Variants in SNX13 observed in about 807,000 individuals in gnomAD.
The protein encoded by SNX13 is sorting nexin 13, also known as sorting nexin-13.
A neutral mutation model predicts 133.6 loss-of-function variants in SNX13; 45 were observed. That is an observed-to-expected ratio of 0.34 (90% confidence interval 0.27 to 0.43). SNX13 has a LOEUF of 0.43. Ranked by LOEUF, SNX13 falls within the 20% of genes least tolerant of loss-of-function variation. The pLI is 1.00. For missense variants in SNX13, 1,032 were observed against 1,145.1 expected (o/e 0.90, Z 1.43); for synonymous variants, 414 against 373.9 (o/e 1.11, Z -1.24).
chr7:17,882,561 A>G (rs1049427126), intron 5 of SNX13: 2 of 152,886 alleles, frequency 1.3e-5, no homozygotes, highest in African/African-American at 4.8e-5. Flanking sequence ...ATAAAACAAT[A>G]GATATGAAGA....
intron 18 of SNX13, among the ~76,000 whole-genome samples, chr7:17,817,870 CA>C (rs1786839884): frequency 6.6e-6 from 1 of 152,058 alleles, no homozygotes; most frequent in Non-Finnish European, 1.5e-5. Flanking sequence ...CTGGTATTAC[CA>C]AGTCTTGTGT....
intron 1 of SNX13, among the ~76,000 whole-genome samples, chr7:17,939,190 T>C (rs544303057): frequency 6.6e-6 from 1 of 152,248 alleles, no homozygotes; most frequent in East Asian, 1.9e-4. Flanking sequence ...TTTCACAAAA[T>C]AAAAGCCACT....
intron 16 of SNX13, among the ~76,000 whole-genome samples, chr7:17,829,251 A>C (rs766351776): frequency 6.6e-6 from 1 of 151,214 alleles, no homozygotes; most frequent in Non-Finnish European, 1.5e-5. Context: ...AACAAACAAC[A>C]CCTTACCTGT....
chr7:17,832,159 G>T (rs1369514652), intron 15 of SNX13: 1 of 984,100 alleles, frequency 1.0e-6, no homozygotes, highest in African/African-American at 1.8e-5. Flanking sequence ...ATTTACTTCA[G>T]ATCAAAACCA....
At chr7:17,895,501 G>T (rs892979352) in intron 2 of SNX13, among the ~76,000 whole-genome samples, 7 of 152,066 alleles carry the variant, frequency 4.6e-5, no homozygotes, top group African/African-American at 1.7e-4. Flanking sequence ...AAAAACTTAA[G>T]TTTTATTAGA....
At chr7:17,935,410 T>C (rs572492150) in intron 1 of SNX13, among the ~76,000 whole-genome samples, 80 of 152,296 alleles carry the variant, frequency 5.3e-4, no homozygotes, top group African/African-American at 1.4e-3. Context: ...AAGTTTCAGA[T>C]AGATAGAAGG....
chr7:17,933,800 GAA>G (rs67821826), intron 1 of SNX13, among the ~76,000 whole-genome samples: 7 of 142,574 alleles, frequency 4.9e-5, no homozygotes, highest in Non-Finnish European at 9.1e-5. Flanking sequence ...GGAATATACA[GAA>G]AAAAAAAAAA....
chr7:17,812,344 AACAG>A (rs1562680897), intron 20 of SNX13, among the ~76,000 whole-genome samples: 1 of 152,240 alleles, frequency 6.6e-6, no homozygotes, highest in African/African-American at 2.4e-5. Flanking sequence ...GAACGATACG[AACAG>A]ACACTTCTCA....
intron 1 of SNX13, among the ~76,000 whole-genome samples, chr7:17,920,588 A>C (rs1217139353): frequency 6.6e-6 from 1 of 152,222 alleles, no homozygotes; most frequent in Non-Finnish European, 1.5e-5. Flanking sequence ...TTACGTGTCA[A>C]ATTAATAAAA....
chr7:17,865,472 A>T (rs2177653), intron 9 of SNX13, among the ~76,000 whole-genome samples: 1 of 152,198 alleles, frequency 6.6e-6, no homozygotes, highest in Non-Finnish European at 1.5e-5. Flanking sequence ...TGATAAAAGA[A>T]ATTGAATAAG....
In SNX13 at chr7:17,868,400, C is replaced by A. The variant is rs751194023; in HGVS notation, c.837+7G>T. Reference sequence around the variant, plus strand: ...AAAACAGAGTTGTAATTTTAAAAGGCACCTACCATCCATATGACATACTGA... The same window carrying A: ...AAAACAGAGTTGTAATTTTAAAAGGAACCTACCATCCATATGACATACTGA... On this transcript the variant is annotated splice_region_variant and intron_variant, in intron 9 of 25. Coordinates refer to ENST00000428135, the MANE Select transcript of SNX13 (RefSeq NM_015132.5). 1.3e-6 allele frequency: 2 copies of A among 1,580,910 alleles called. No individual in the cohort carries two copies. Among genetic ancestry groups the A allele is most frequent in the South Asian group, 1.2e-5 (1 of 85,978 alleles).
rs1279745870 is a variant in SNX13 at position 17,906,940 on chromosome 7, G to A, written c.13-9494C>T. The stretch of plus-strand genomic sequence containing the variant: ...TCAGCCCTAACAAATCATCCTGTGA[G>A]TTCATTTGGTGTATCAGGTGTTCAG... On this transcript the variant is annotated intron_variant, in intron 1 of 25. Coordinates refer to ENST00000428135, the MANE Select transcript of SNX13 (RefSeq NM_015132.5). Among the ~76,000 whole-genome samples, 3 of 152,264 alleles carry A rather than the reference G, an allele frequency of 2.0e-5. No homozygotes were observed. The East Asian group carries it at 5.8e-4, about 29-fold the overall frequency.
intron 20 of SNX13, among the ~76,000 whole-genome samples, chr7:17,806,240 T>C (rs939949310): frequency 2.6e-5 from 4 of 152,174 alleles, no homozygotes; most frequent in Non-Finnish European, 4.4e-5. Context: ...GATAGAAAGA[T>C]ACTGTGTACA....
chr7:17,886,452 C>T (rs1300118579), intron 5 of SNX13, among the ~76,000 whole-genome samples: 1 of 152,018 alleles, frequency 6.6e-6, no homozygotes, highest in Non-Finnish European at 1.5e-5. Context: ...CTTATAATAT[C>T]AGCTACTAAG....
intron 1 of SNX13, among the ~76,000 whole-genome samples, chr7:17,937,362 T>A (rs904761105): frequency 6.6e-6 from 1 of 151,844 alleles, no homozygotes; most frequent in Non-Finnish European, 1.5e-5. Context: ...TAGAGATATA[T>A]TTTTGGCCCG....
chr7:17,939,215 T>C lies in SNX13; in HGVS notation c.12+1069A>G, dbSNP rs538029025. Among the ~76,000 whole-genome samples, 22 of 152,336 alleles carry C rather than the reference T, an allele frequency of 1.4e-4. No homozygotes were observed. In the South Asian group the frequency reaches 4.4e-3, roughly 30 times the overall value. On this transcript the variant is annotated intron_variant, in intron 1 of 25. Coordinates refer to ENST00000428135, the MANE Select transcript of SNX13 (RefSeq NM_015132.5). ...TAAAAGCCACTCACCTACAAATGTT[T>C]GTATTTCCTTTTTGGCCCATGTAGG...
At position 17,882,851 on chromosome 7, in the gene SNX13, G is replaced by T. The variant is rs998147224; in HGVS notation, c.441-7061C>A. On this transcript the variant is annotated intron_variant, in intron 5 of 25. Transcript: ENST00000428135. ...TTCTAGGAGACACAGTGAGACCAAG[G>T]TTTTGTTAAACAAAACAGGGTTCCA... 5.4e-6 allele frequency: 7 copies of T among 1,285,032 alleles called. No individual in the cohort carries two copies. In the Admixed American group the frequency reaches 9.8e-5, roughly 18 times the overall value. 79.6% of individuals were successfully genotyped at this position (1,285,032 alleles called of 1,614,324 possible). A position where few individuals can be genotyped will look rare whatever the true frequency, so the allele number is the denominator to read the frequency against.
At chr7:17,837,653 C>T (rs984371777) in intron 13 of SNX13, among the ~76,000 whole-genome samples, 6 of 151,908 alleles carry the variant, frequency 3.9e-5, no homozygotes, top group Admixed American at 1.3e-4. Flanking sequence ...GCCTACAATG[C>T]TCATTTTTAA....
intron 16 of SNX13, among the ~76,000 whole-genome samples, chr7:17,828,574 T>C (rs1788153706): frequency 6.6e-6 from 1 of 151,598 alleles, no homozygotes; most frequent in Admixed American, 6.6e-5. Flanking sequence ...GTGATCTAGT[T>C]TACAATCTTA....
Sources: allele counts gnomAD v4.1 joint callset (sites outside exome capture counted in the v4.1 genomes callset), GRCh38; gene constraint gnomAD v4.1.1; transcripts MANE v1.5; gene names NCBI Gene and HGNC (gene_info 2026-07-23, HGNC 2026-07-21).